The following DENND1A variants were observed in gnomAD, a reference collection of about 807,000 sequenced individuals.
DENND1A encodes DENN domain-containing protein 1A.
Under a neutral mutation model 113.7 loss-of-function variants are expected in DENND1A, and 51 were observed. The ratio of observed to expected loss-of-function variants is 0.45; its 90% CI spans 0.36 to 0.57. DENND1A has a LOEUF of 0.57. DENND1A is among the 20% of genes least tolerant of loss of function. The pLI is 0.00. For missense variants in DENND1A, 1,258 were observed against 1,395.9 expected, an observed-to-expected ratio of 0.90 and a Z score of 1.57; for synonymous variants, 565 against 570.8, an observed-to-expected ratio of 0.99 and a Z score of 0.14.
At chr9:123,881,010 T>A (rs748023577) in intron 1 of DENND1A, among the ~76,000 whole-genome samples, 2 of 152,194 alleles carry the variant, frequency 1.3e-5, no homozygotes, top group Admixed American at 1.3e-4. Flanking sequence ...GGAATCTACT[T>A]ATTTCGGGGG....
intron 13 of DENND1A, among the ~76,000 whole-genome samples, chr9:123,528,895 G>T (rs957929175): frequency 2.0e-5 from 3 of 152,172 alleles, no homozygotes; most frequent in African/African-American, 7.2e-5. Flanking sequence ...TCTATTTGAA[G>T]TAACTGTTTG....
chr9:123,808,845 A>T (rs1836055928), intron 2 of DENND1A, among the ~76,000 whole-genome samples: 1 of 152,012 alleles, frequency 6.6e-6, no homozygotes, highest in Non-Finnish European at 1.5e-5. Flanking sequence ...CAAGCCAACA[A>T]CCCCACACTG....
At chr9:123,612,523 G>A (rs961119911) in intron 10 of DENND1A, among the ~76,000 whole-genome samples, 4 of 152,124 alleles carry the variant, frequency 2.6e-5, no homozygotes, top group African/African-American at 9.7e-5. Context: ...AAATTATAAA[G>A]TGCATACATT....
chr9:123,868,202 A>G (rs682829), intron 2 of DENND1A, among the ~76,000 whole-genome samples: 13,276 of 152,232 alleles, frequency 0.087, 984 homozygotes, highest in African/African-American at 0.2. Context: ...GCTGAGCAAT[A>G]TTGCACAGAG....
At chr9:123,566,153 G>GC (rs1182872358) in intron 12 of DENND1A, among the ~76,000 whole-genome samples, 2 of 152,194 alleles carry the variant, frequency 1.3e-5, no homozygotes, top group Non-Finnish European at 2.9e-5. Flanking sequence ...GATTCTCACT[G>GC]CTGCCAGGGT....
rs555401620 is a variant in DENND1A at position 123,519,748 on chromosome 9, C to T, written c.993+37822G>A. Reference sequence around the variant, plus strand: ...CCTCATATCTAAGTTAACCTGGTGGCCTCACTTCCTTGCCAGTGATGGGCT... The same window carrying T: ...CCTCATATCTAAGTTAACCTGGTGGTCTCACTTCCTTGCCAGTGATGGGCT... On this transcript the variant is annotated intron_variant, in intron 13 of 23. Coordinates refer to ENST00000394215, the MANE Select transcript of DENND1A (RefSeq NM_001352964.2). Among the ~76,000 whole-genome samples the T allele has an allele frequency of 2.6e-5, 4 of 152,222 alleles. 1 individual carries two copies. In the South Asian group the frequency reaches 8.3e-4, roughly 32 times the overall value.
At chr9:123,895,833 C>T (rs2133824977) in intron 1 of DENND1A, among the ~76,000 whole-genome samples, 1 of 152,274 alleles carries the variant, frequency 6.6e-6, no homozygotes, top group African/African-American at 2.4e-5. Context: ...GTGTAACAGA[C>T]ATCCCTCTCC....
chr9:123,697,939 G>C (rs1426817614), intron 5 of DENND1A, among the ~76,000 whole-genome samples: 1 of 152,122 alleles, frequency 6.6e-6, no homozygotes, highest in Non-Finnish European at 1.5e-5. Flanking sequence ...CACAAATTTA[G>C]ACATGGCCTC....
intron 5 of DENND1A, among the ~76,000 whole-genome samples, chr9:123,757,363 C>A (rs1185129053): frequency 6.6e-6 from 1 of 152,176 alleles, no homozygotes; most frequent in East Asian, 1.9e-4. Flanking sequence ...CTTACATACA[C>A]AAAATGTCCA....
At chr9:123,902,206 C>CAT (rs1327942874) in intron 1 of DENND1A, among the ~76,000 whole-genome samples, 1 of 149,028 alleles carries the variant, frequency 6.7e-6, no homozygotes, top group East Asian at 2.0e-4. Context: ...CACACACACA[C>CAT]ATACACACAC....
At chr9:123,531,012 A>G (rs2055252196) in intron 13 of DENND1A, among the ~76,000 whole-genome samples, 1 of 152,152 alleles carries the variant, frequency 6.6e-6, no homozygotes, top group African/African-American at 2.4e-5. Context: ...ATAAGTGGAG[A>G]CTACTGTATA....
Position 123,402,260 on chromosome 9 carries a change from A to ACACACACG in DENND1A, c.1631+1141_1631+1142insCGTGTGTG, listed in dbSNP as rs61166421. 6.0e-3 allele frequency among the ~76,000 whole-genome samples: 918 copies of ACACACACG among 151,804 alleles called. 7 individuals carry two copies. The highest frequency in any genetic ancestry group is 0.021 in the African/African-American group (886 of 41,300). ...CACACGTGCACACACACACACACAC[A>ACACACACG]CACGCACGCACACATATAATTCTGG... On this transcript the variant is annotated intron_variant, in intron 21 of 23. Transcript: ENST00000394215.
intron 4 of DENND1A, chr9:123,759,498 C>T (rs1463291138): frequency 1.3e-5 from 2 of 152,232 alleles, no homozygotes; most frequent in Non-Finnish European, 2.9e-5. Flanking sequence ...AATATTGGCT[C>T]ACTGCAACCT....
intron 10 of DENND1A, among the ~76,000 whole-genome samples, chr9:123,627,427 G>A (rs1206122288): frequency 6.6e-6 from 1 of 152,166 alleles, no homozygotes; most frequent in African/African-American, 2.4e-5. Flanking sequence ...GGCCAGCATC[G>A]GGAAACATCT....
intron 13 of DENND1A, chr9:123,485,464 A>T (rs1009255474): frequency 7.9e-5 from 12 of 152,118 alleles, no homozygotes; most frequent in Non-Finnish European, 1.5e-5. Flanking sequence ...AGCTTGGAGG[A>T]GCTAATCATT....
intron 5 of DENND1A, among the ~76,000 whole-genome samples, chr9:123,679,294 A>T (rs2064289735): frequency 6.6e-6 from 1 of 152,204 alleles, no homozygotes; most frequent in Non-Finnish European, 1.5e-5. Context: ...GCTTGGGCAC[A>T]GAAGCTCCAG....
intron 5 of DENND1A, among the ~76,000 whole-genome samples, chr9:123,731,345 T>A (rs757270476): frequency 6.6e-6 from 1 of 152,152 alleles, no homozygotes; most frequent in Non-Finnish European, 1.5e-5. Context: ...CAAGACAGTA[T>A]AATACTGATG....
chr9:123,558,225 T>C (rs2057537255), intron 12 of DENND1A, among the ~76,000 whole-genome samples: 2 of 152,318 alleles, frequency 1.3e-5, no homozygotes, highest in East Asian at 3.9e-4. Flanking sequence ...GCTACATACC[T>C]AGCAACAAAC....
chr9:123,717,112 T>C (rs2067023627), intron 5 of DENND1A, among the ~76,000 whole-genome samples: 1 of 152,158 alleles, frequency 6.6e-6, no homozygotes, highest in Admixed American at 6.5e-5. Context: ...TAAAATTTAT[T>C]TGAGAGACCC....
Sources: allele counts gnomAD v4.1 joint callset (sites outside exome capture counted in the v4.1 genomes callset), GRCh38; gene constraint gnomAD v4.1.1; transcripts MANE v1.5; gene names NCBI Gene and HGNC (gene_info 2026-07-23, HGNC 2026-07-21).